UBXN2A: variants seen among roughly 807,000 people sequenced by gnomAD.
The protein encoded by UBXN2A is UBX domain protein 2A.
A neutral mutation model predicts 28.4 loss-of-function variants in UBXN2A; 28 were observed. The ratio of observed to expected loss-of-function variants is 0.99; its 90% CI spans 0.73 to 1.35. The LOEUF (loss-of-function observed/expected upper bound fraction) is 1.35. Among genes scored for constraint, UBXN2A ranks in the 40% most tolerant of loss-of-function variants. UBXN2A has a pLI of 0.00. For synonymous variants in UBXN2A, 97 were observed against 103.6 expected, an observed-to-expected ratio of 0.94 and a Z score of 0.39; for missense variants, 253 against 297.9, an observed-to-expected ratio of 0.85 and a Z score of 1.11.
chr2:23,993,880 G>A (rs1708440621), intron 6 of UBXN2A, among the ~76,000 whole-genome samples: 1 of 151,870 alleles, frequency 6.6e-6, no homozygotes, highest in Non-Finnish European at 1.5e-5. Flanking sequence ...GGTAGAGACA[G>A]GGTTTCACCA....
rs1708672403 is a variant in UBXN2A, at chr2:23,999,777, A to G, written c.690A>G (p.Thr230=). 1.2e-6 allele frequency: 2 copies of G among 1,614,182 alleles called. No individual in the cohort carries two copies. The highest frequency in any genetic ancestry group is 2.2e-5 in the East Asian group (1 of 44,888). ...ALPVLRLLDE[T]LTLEEADLQN... ...CTGTCCTCAGGTTGCTAGATGAGAC[A>G]CTCACACTGGAAGAAGCAGATTTAC... The change falls in exon 7 of 7, where the codon ACA becomes ACG. Residue 230 remains threonine (T), a synonymous_variant. Transcript: ENST00000309033.
intron 6 of UBXN2A, among the ~76,000 whole-genome samples, chr2:23,988,136 A>AG (rs1420739454): frequency 3.3e-5 from 5 of 151,946 alleles, no homozygotes; most frequent in African/African-American, 4.8e-5. Context: ...AAAAAAAAAA[A>AG]AAAGAAAGAA....
chr2:23,944,413 G>C, intron 1 of UBXN2A: 1 of 1,144,178 alleles, frequency 8.7e-7, no homozygotes, highest in Non-Finnish European at 1.3e-6. Flanking sequence ...CTTTCAGTTT[G>C]TCAGTCTTAT....
chr2:23,984,601 A>T, intron 5 of UBXN2A, 72 bp from the exon 6 acceptor site: 5 of 1,199,208 alleles, frequency 4.2e-6, no homozygotes, highest in Non-Finnish European at 5.4e-6. Flanking sequence ...TAATATTTTT[A>T]TAGTAATTAT....
At chr2:23,959,447 G>A (rs905696585) in intron 2 of UBXN2A, among the ~76,000 whole-genome samples, 3 of 151,954 alleles carry the variant, frequency 2.0e-5, no homozygotes, top group South Asian at 2.1e-4. Flanking sequence ...AGCCAAGACC[G>A]CACCACTGCA....
At chr2:23,958,813 A>G (rs1706763787) in intron 2 of UBXN2A, among the ~76,000 whole-genome samples, 1 of 152,120 alleles carries the variant, frequency 6.6e-6, no homozygotes. Flanking sequence ...ATACCTACCT[A>G]TCTGAAAGGT....
intron 4 of UBXN2A, among the ~76,000 whole-genome samples, chr2:23,978,061 C>A (rs1364539930): frequency 6.6e-6 from 1 of 152,078 alleles, no homozygotes; most frequent in Non-Finnish European, 1.5e-5. Flanking sequence ...CTCCTGACCT[C>A]AAGTGATCTG....
chr2:23,988,496 A>G (rs1329839505), intron 6 of UBXN2A, among the ~76,000 whole-genome samples: 3 of 152,134 alleles, frequency 2.0e-5, no homozygotes, highest in Non-Finnish European at 4.4e-5. Flanking sequence ...ATGCTTCCTC[A>G]TGATTATATT....
chr2:23,944,140 T>C, intron 1 of UBXN2A: 1 of 939,282 alleles, frequency 1.1e-6, no homozygotes, highest in Non-Finnish European at 1.7e-6. Flanking sequence ...GTTTAAGTCT[T>C]ACTTGGAACT....
chr2:23,958,450 T>A, intron 2 of UBXN2A, 95 bp downstream of exon 2: 6 of 1,231,978 alleles, frequency 4.9e-6, no homozygotes, highest in Non-Finnish European at 6.6e-6. Context: ...GTAGAGTACG[T>A]TTTAATTATG....
chr2:23,937,586 CAG>C (rs2150788421), upstream of UBXN2A, among the ~76,000 whole-genome samples: 1 of 152,204 alleles, frequency 6.6e-6, no homozygotes, highest in Non-Finnish European at 1.5e-5. Context: ...CACACAAAAT[CAG>C]TGGTATTTCC....
chr2:23,993,675 TTTTTTTAA>T (rs1032999506), intron 6 of UBXN2A, among the ~76,000 whole-genome samples: 6 of 148,642 alleles, frequency 4.0e-5, no homozygotes, highest in African/African-American at 1.5e-4. Flanking sequence ...ATCTCTTAAA[TTTTTTTAA>T]TTTTTTAATT....
chr2:23,962,663 T>A (rs1706983440), intron 2 of UBXN2A, among the ~76,000 whole-genome samples: 2 of 148,598 alleles, frequency 1.3e-5, no homozygotes, highest in Admixed American at 6.9e-5. Flanking sequence ...TGGAGTGCAA[T>A]GATGCAGTCT....
intron 2 of UBXN2A, among the ~76,000 whole-genome samples, chr2:23,958,735 T>C (rs763005265): frequency 1.3e-5 from 2 of 152,222 alleles, no homozygotes; most frequent in Non-Finnish European, 2.9e-5. Flanking sequence ...CTATTATCTC[T>C]CTGGCCTTTG....
At chr2:23,950,237 A>G (rs1292807700) in intron 1 of UBXN2A, among the ~76,000 whole-genome samples, 1 of 152,140 alleles carries the variant, frequency 6.6e-6, no homozygotes, top group East Asian at 1.9e-4. Context: ...TTTCATCTTT[A>G]TGGTGGAAAT....
chr2:24,000,771 A>C lies in UBXN2A; in HGVS notation c.*904A>C, dbSNP rs1432911090. 1.3e-5 allele frequency: 2 copies of C among 152,062 alleles called. No individual in the cohort carries two copies. Among genetic ancestry groups the C allele is most frequent in the Non-Finnish European group, 2.9e-5 (2 of 68,004 alleles). 9.4% of individuals were successfully genotyped at this position (152,062 alleles called of 1,614,324 possible). ...GTATAGTATCAAGATTAATCTGCCTACTCACATTTCTACACTTTATAAAAA... is the reference window on the plus strand; with the variant it reads ...GTATAGTATCAAGATTAATCTGCCTCCTCACATTTCTACACTTTATAAAAA... On this transcript the variant is annotated 3_prime_UTR_variant, in exon 7 of 7. Transcript: ENST00000309033.
chr2:23,953,664 A>G (rs1475275159), intron 1 of UBXN2A, among the ~76,000 whole-genome samples: 2 of 152,240 alleles, frequency 1.3e-5, no homozygotes, highest in African/African-American at 4.8e-5. Flanking sequence ...GAAATATTTA[A>G]AGAATCTACT....
intron 4 of UBXN2A, 70 bp from the exon 5 acceptor site, chr2:23,982,826 T>A: frequency 2.0e-6 from 3 of 1,466,288 alleles, no homozygotes; most frequent in Non-Finnish European, 2.7e-6. Context: ...ATTTTTTGTA[T>A]GTACAGAATG....
At chr2:23,988,267 T>G (rs1374895339) in intron 6 of UBXN2A, among the ~76,000 whole-genome samples, 2 of 152,196 alleles carry the variant, frequency 1.3e-5, no homozygotes, top group Non-Finnish European at 2.9e-5. Context: ...AATACAGCCA[T>G]TTAAATCAGG....
Sources: allele counts gnomAD v4.1 joint callset (sites outside exome capture counted in the v4.1 genomes callset), GRCh38; gene constraint gnomAD v4.1.1; transcripts MANE v1.5; gene names NCBI Gene and HGNC (gene_info 2026-07-23, HGNC 2026-07-21).